Variants in PGBD5 observed in about 807,000 individuals in gnomAD.
PGBD5 encodes piggyBac transposable element-derived protein 5.
PGBD5 carries 14 observed loss-of-function variants against 47.9 expected under a neutral mutation model. The ratio of observed to expected loss-of-function variants is 0.29; its 90% confidence interval spans 0.19 to 0.46. The LOEUF (loss-of-function observed/expected upper bound fraction) is 0.46. Ranked by LOEUF, PGBD5 falls within the 20% of genes least tolerant of loss-of-function variation. The pLI is 1.00. For missense variants in PGBD5, 635 were observed against 716.0 expected, an observed-to-expected ratio of 0.89 and a Z score of 1.29; for synonymous variants, 316 against 306.3, an observed-to-expected ratio of 1.03 and a Z score of -0.33.
At chr1:230,353,451 T>A (rs758467018) in intron 2 of PGBD5, among the ~76,000 whole-genome samples, 1 of 152,102 alleles carries the variant, frequency 6.6e-6, no homozygotes, top group Non-Finnish European at 1.5e-5. Context: ...CCCAGCTGCT[T>A]TGGTCATTGC....
chr1:230,410,459 A>G (rs1255011545), intron 1 of PGBD5, among the ~76,000 whole-genome samples: 1 of 152,210 alleles, frequency 6.6e-6, no homozygotes, highest in Non-Finnish European at 1.5e-5. Flanking sequence ...ACCTTTGCAA[A>G]CCTTTAAAAT....
intron 1 of PGBD5, among the ~76,000 whole-genome samples, chr1:230,411,386 A>G (rs1449901324): frequency 6.6e-6 from 1 of 152,252 alleles, no homozygotes; most frequent in African/African-American, 2.4e-5. Flanking sequence ...AATTTTTTAA[A>G]TCATTAAAAA....
chr1:230,381,863 C>T (rs910207830), intron 1 of PGBD5, among the ~76,000 whole-genome samples: 19 of 152,092 alleles, frequency 1.2e-4, no homozygotes, highest in African/African-American at 3.9e-4. Context: ...GCTGTGCCCT[C>T]GGGCTACAGT....
chr1:230,391,015 C>G (rs11587001), intron 1 of PGBD5, among the ~76,000 whole-genome samples: 2,681 of 152,224 alleles, frequency 0.018, 41 homozygotes, highest in Non-Finnish European at 0.027. Flanking sequence ...ACTGGGATTA[C>G]AGTCATGAGC....
intron 6 of PGBD5, 96 bp downstream of exon 6, chr1:230,325,214 T>C (rs988790143): frequency 2.1e-6 from 2 of 957,698 alleles, no homozygotes; most frequent in African/African-American, 3.2e-5. Flanking sequence ...CTGCAGTTCT[T>C]ACACTGGGGA....
intron 3 of PGBD5, among the ~76,000 whole-genome samples, chr1:230,347,288 G>A (rs1428824427): frequency 1.3e-5 from 2 of 152,046 alleles, no homozygotes; most frequent in Non-Finnish European, 2.9e-5. Context: ...GTGGGAGAGT[G>A]GGAGGAAGAG....
intron 1 of PGBD5, among the ~76,000 whole-genome samples, chr1:230,365,687 G>A (rs1440290789): frequency 1.3e-5 from 2 of 152,224 alleles, no homozygotes; most frequent in South Asian, 2.1e-4. Context: ...GGCTGGCTGA[G>A]TCTTCTCCAA....
At chr1:230,381,031 C>T (rs533366638) in intron 1 of PGBD5, among the ~76,000 whole-genome samples, 17 of 152,362 alleles carry the variant, frequency 1.1e-4, no homozygotes, top group African/African-American at 4.1e-4. Context: ...GAGGCAAACA[C>T]CATCCACGTG....
At chr1:230,324,439 T>C (rs1182546043) in intron 6 of PGBD5, among the ~76,000 whole-genome samples, 3 of 152,186 alleles carry the variant, frequency 2.0e-5, no homozygotes, top group Non-Finnish European at 4.4e-5. Context: ...GCTGAGCACA[T>C]AGTGGGCGTT....
At position 230,332,991 on chromosome 1, in the gene PGBD5, G is replaced by A. The variant is rs527608048; in HGVS notation, c.1126C>T (p.Leu376Phe). ...GGGTTGGTCAGCATGGACAGTGGGAGGCCGGTGCAGTCACTCTTCCGCGCG... is the reference window on the plus strand; with the variant it reads ...GGGTTGGTCAGCATGGACAGTGGGAAGCCGGTGCAGTCACTCTTCCGCGCG... ...LRARKSDCTG[L>F]PLSMLTNPAT... The change falls in exon 5 of 7, where the codon CTC becomes TTC. Residue 376 changes from leucine (L) to phenylalanine (F), a missense_variant. Physicochemically the swap from Leu to Phe is conservative, Grantham distance 22. Coordinates refer to ENST00000391860, the MANE Select transcript of PGBD5 (RefSeq NM_001258311.2). 2 of 1,613,290 alleles carry A rather than the reference G, an allele frequency of 1.2e-6. No individual in the cohort carries two copies. Among genetic ancestry groups the A allele is most frequent in the African/African-American group, 1.3e-5 (1 of 75,062 alleles).
intron 1 of PGBD5, among the ~76,000 whole-genome samples, chr1:230,365,483 AGGC>A (rs1667813152): frequency 2.0e-5 from 3 of 152,172 alleles, no homozygotes; most frequent in Non-Finnish European, 4.4e-5. Context: ...TTATCATACA[AGGC>A]ACCCGTACAC....
At chr1:230,359,791 A>C (rs1395021550) in intron 1 of PGBD5, among the ~76,000 whole-genome samples, 1 of 152,226 alleles carries the variant, frequency 6.6e-6, no homozygotes, top group Non-Finnish European at 1.5e-5. Context: ...AGCCAGGCCG[A>C]GGGCTTTCCA....
At chr1:230,399,058 A>ACG (rs1553289703) in intron 1 of PGBD5, among the ~76,000 whole-genome samples, 6 of 151,538 alleles carry the variant, frequency 4.0e-5, no homozygotes, top group African/African-American at 1.5e-4. Context: ...CAGGTTACTA[A>ACG]GGGGGGGTGG....
intron 1 of PGBD5, among the ~76,000 whole-genome samples, chr1:230,407,192 G>C (rs1657317779): frequency 6.6e-6 from 1 of 152,184 alleles, no homozygotes; most frequent in Non-Finnish European, 1.5e-5. Flanking sequence ...TTGAAGAAAA[G>C]AGTTACAGAA....
At chr1:230,405,868 C>G (rs1657287409) in intron 1 of PGBD5, among the ~76,000 whole-genome samples, 1 of 150,138 alleles carries the variant, frequency 6.7e-6, no homozygotes, top group Admixed American at 6.6e-5. Context: ...AGTGTAGATT[C>G]CCATCATGTC....
intron 1 of PGBD5, among the ~76,000 whole-genome samples, chr1:230,364,603 G>A (rs1024518655): frequency 1.3e-5 from 2 of 151,952 alleles, no homozygotes; most frequent in East Asian, 1.9e-4. Context: ...TCATGCTAAC[G>A]CAACACAGTG....
rs924232346 is a variant in PGBD5 at position 230,315,549 on chromosome 1, C to G, written c.*7876G>C. On this transcript the variant is annotated 3_prime_UTR_variant, in exon 7 of 7. Coordinates refer to ENST00000391860, the MANE Select transcript of PGBD5 (RefSeq NM_001258311.2). Reference sequence around the variant, plus strand: ...TCTACGTGGACCCACCATTCTTGCCCTCCTGGACCCCTAAACTGGCCCATG... The same window carrying G: ...TCTACGTGGACCCACCATTCTTGCCGTCCTGGACCCCTAAACTGGCCCATG... 6.6e-6 allele frequency: 1 copy of G among 152,156 alleles called. No homozygotes were observed. The highest frequency in any genetic ancestry group is 6.6e-5 in the Admixed American group (1 of 15,266). The allele number at this position is 152,156 out of a possible 1,614,324, so 9.4% of individuals were successfully genotyped here. A position where few individuals can be genotyped will look rare whatever the true frequency, so the allele number is the denominator to read the frequency against.
Position 230,357,389 on chromosome 1 carries a change from G to A in PGBD5, c.332-68C>T, listed in dbSNP as rs1189009299. ...CACACCCTGACTCGACACGAGAACG[G>A]CTGCATTTCCAATCCCTGGGTCCCT... On this transcript the variant is annotated intron_variant, in intron 1 of 6. Transcript: ENST00000391860. The surrounding 1 kb of genome is among the most constrained non-coding windows in gnomAD (Gnocchi z 5.7). The A allele has an allele frequency of 2.6e-6, 4 of 1,525,134 alleles. No individual in the cohort carries two copies. The South Asian group carries it at 3.7e-5, about 14-fold the overall frequency. 94.5% of individuals were successfully genotyped at this position (1,525,134 alleles called of 1,614,324 possible).
intron 1 of PGBD5, among the ~76,000 whole-genome samples, chr1:230,417,213 A>T (rs1657538636): frequency 1.3e-5 from 2 of 151,936 alleles, no homozygotes; most frequent in Non-Finnish European, 2.9e-5. Flanking sequence ...CCCCAAGATC[A>T]TGTTGTATTT....
Sources: allele counts gnomAD v4.1 joint callset (sites outside exome capture counted in the v4.1 genomes callset), GRCh38; gene constraint gnomAD v4.1.1; non-coding constraint Gnocchi (gnomAD v3.1); transcripts MANE v1.5; gene names NCBI Gene and HGNC (gene_info 2026-07-23, HGNC 2026-07-21).